TEX9: variants seen among roughly 807,000 people sequenced by gnomAD.
TEX9 encodes testis expressed 9.
A neutral mutation model predicts 59.6 loss-of-function variants in TEX9; 74 were observed. That is an observed-to-expected ratio of 1.24 (90% confidence interval 1.03 to 1.51). The LOEUF is 1.51. TEX9 is among the 40% of genes most tolerant of loss of function. The pLI, the probability that TEX9 is intolerant of heterozygous loss-of-function variation, is 0.00. For synonymous variants in TEX9, 186 were observed against 152.2 expected, an observed-to-expected ratio of 1.22 and a Z score of -1.64; for missense variants, 522 against 447.8, an observed-to-expected ratio of 1.17 and a Z score of -1.49.
chr15:56,347,721 T>A (rs1236189665), intron 1 of TEX9, among the ~76,000 whole-genome samples: 1 of 151,952 alleles, frequency 6.6e-6, no homozygotes, highest in Non-Finnish European at 1.5e-5. Context: ...TTCTTAGATT[T>A]AATAGCAAAA....
intron 10 of TEX9, among the ~76,000 whole-genome samples, chr15:56,414,559 C>CA (rs148478670): frequency 0.059 from 8,910 of 151,758 alleles, 715 homozygotes; most frequent in East Asian, 0.37. Flanking sequence ...CATGTTCCCA[C>CA]AAAAAACATG....
chr15:56,424,899 A>C (rs1421111558), intron 10 of TEX9, among the ~76,000 whole-genome samples: 2 of 152,078 alleles, frequency 1.3e-5, no homozygotes, highest in African/African-American at 4.8e-5. Flanking sequence ...TTTTGTTTCA[A>C]CTTGAAGGAT....
chr15:56,444,609 T>C, intron 12 of TEX9: 1 of 1,613,412 alleles, frequency 6.2e-7, no homozygotes. Flanking sequence ...TTCTGCAGCA[T>C]TCTCTTCCTT....
intron 10 of TEX9, among the ~76,000 whole-genome samples, chr15:56,417,180 T>A (rs2049733971): frequency 6.6e-6 from 1 of 151,968 alleles, no homozygotes; most frequent in African/African-American, 2.4e-5. Context: ...TGACTGGTTT[T>A]TCATGTCTTG....
At chr15:56,412,390 C>G in exon 10 of TEX9, 1 of 1,612,868 alleles carries the variant, frequency 6.2e-7, no homozygotes, top group Non-Finnish European at 8.5e-7. Flanking sequence ...CTAGAAGAAG[C>G]AGAAAAGTAT....
At chr15:56,371,116 G>A (rs1210280946) in intron 2 of TEX9, among the ~76,000 whole-genome samples, 1 of 152,114 alleles carries the variant, frequency 6.6e-6, no homozygotes, top group African/African-American at 2.4e-5. Context: ...CCACTGTGCT[G>A]GGATTACAGA....
At chr15:56,339,523 G>A (rs926919785) in intron 1 of TEX9, among the ~76,000 whole-genome samples, 2 of 149,660 alleles carry the variant, frequency 1.3e-5, no homozygotes, top group Non-Finnish European at 2.9e-5. Context: ...TGAAAACAAC[G>A]CATATGCCAG....
At chr15:56,309,693 G>GTTTATTTT (rs1290352080) in intron 1 of TEX9, among the ~76,000 whole-genome samples, 37 of 60,780 alleles carry the variant, frequency 6.1e-4, no homozygotes, top group Admixed American at 9.0e-4. Flanking sequence ...TTTATGGGAA[G>GTTTATTTT]TTTTTTTTTT....
intron 12 of TEX9, among the ~76,000 whole-genome samples, chr15:56,430,607 A>G (rs1176596379): frequency 1.3e-5 from 2 of 152,228 alleles, no homozygotes; most frequent in Non-Finnish European, 2.9e-5. Context: ...ATAACTTCCT[A>G]CTGTAGAGCA....
At chr15:56,428,973 T>G (rs2050465048) in intron 12 of TEX9, 1 of 567,962 alleles carries the variant, frequency 1.8e-6, no homozygotes, top group South Asian at 2.5e-5. Flanking sequence ...AGTTATGAAA[T>G]TCAGTGATGA....
intron 1 of TEX9, among the ~76,000 whole-genome samples, chr15:56,283,049 GGTGTGTGTGTGT>G (rs3985761): frequency 8.1e-4 from 120 of 148,552 alleles, no homozygotes; most frequent in Non-Finnish European, 1.6e-3. Flanking sequence ...TACATTGTGT[GGTGTGTGTGTGT>G]GTGTGTGTGT....
intron 9 of TEX9, among the ~76,000 whole-genome samples, chr15:56,407,114 A>T (rs1231370606): frequency 6.6e-6 from 1 of 152,016 alleles, no homozygotes; most frequent in Admixed American, 6.6e-5. Context: ...TCAAAATCAT[A>T]TATAAATTGA....
chr15:56,258,996 A>T (rs902276771), intron 1 of TEX9, among the ~76,000 whole-genome samples: 1 of 151,638 alleles, frequency 6.6e-6, no homozygotes, highest in African/African-American at 2.4e-5. Flanking sequence ...CTACTAAACT[A>T]TGTCTTGCTG....
intron 3 of TEX9, among the ~76,000 whole-genome samples, chr15:56,382,726 C>T (rs947686871): frequency 6.6e-6 from 1 of 152,088 alleles, no homozygotes; most frequent in African/African-American, 2.4e-5. Context: ...CTTCCATGGC[C>T]GAGGTGGTAT....
chr15:56,373,569 T>C (rs2047289042), intron 3 of TEX9, 65 bp downstream of exon 3: 1 of 1,315,824 alleles, frequency 7.6e-7, no homozygotes, highest in Admixed American at 3.1e-5. Flanking sequence ...TTTCATTTGA[T>C]ATATGACATA....
intron 1 of TEX9, among the ~76,000 whole-genome samples, chr15:56,270,751 A>C (rs1252275528): frequency 6.6e-6 from 1 of 152,120 alleles, no homozygotes; most frequent in Non-Finnish European, 1.5e-5. Context: ...ACAATTTGGC[A>C]CGTTTTTGCA....
At chr15:56,375,003 C>A (rs1318222480) in intron 3 of TEX9, among the ~76,000 whole-genome samples, 1 of 152,118 alleles carries the variant, frequency 6.6e-6, no homozygotes. Flanking sequence ...AGTGCTGCAA[C>A]AAACATGGAA....
At chr15:56,270,171 G>T (rs2044494011) in intron 1 of TEX9, among the ~76,000 whole-genome samples, 1 of 152,140 alleles carries the variant, frequency 6.6e-6, no homozygotes, top group Non-Finnish European at 1.5e-5. Context: ...TCTGCTTGGT[G>T]CAGAGCTGAG....
intron 1 of TEX9, among the ~76,000 whole-genome samples, chr15:56,245,351 GC>G (rs1305252987): frequency 1.3e-4 from 20 of 152,098 alleles, no homozygotes; most frequent in African/African-American, 4.6e-4. Flanking sequence ...AAAATAAGCC[GC>G]CCCCCCGCCC....
Sources: allele counts gnomAD v4.1 joint callset (sites outside exome capture counted in the v4.1 genomes callset), GRCh38; gene constraint gnomAD v4.1.1; transcripts MANE v1.5; gene names NCBI Gene and HGNC (gene_info 2026-07-23, HGNC 2026-07-21).